The following CAPN9 variants were observed in gnomAD, a reference collection of about 807,000 sequenced individuals.
CAPN9 encodes the protein calpain-9.
CAPN9 carries 81 observed loss-of-function variants against 92.8 expected under a neutral mutation model. The ratio of observed to expected loss-of-function variants is 0.87; its 90% CI spans 0.73 to 1.05. CAPN9 has a LOEUF of 1.05. CAPN9 is among the 50% of genes least tolerant of loss of function. The pLI, the probability that CAPN9 is intolerant of heterozygous loss-of-function variation, is 0.00. For synonymous variants in CAPN9, 304 were observed against 328.0 expected, an observed-to-expected ratio of 0.93 and a Z score of 0.79; for missense variants, 848 against 866.2, an observed-to-expected ratio of 0.98 and a Z score of 0.26.
intron 18 of CAPN9, among the ~76,000 whole-genome samples, chr1:230,796,366 ATAAATAAT>A (rs1668359174): frequency 6.9e-6 from 1 of 144,860 alleles, no homozygotes; most frequent in African/African-American, 2.5e-5. Context: ...AAATAAATAA[ATAAATAAT>A]AAAATTAAAT....
intron 11 of CAPN9, among the ~76,000 whole-genome samples, chr1:230,781,180 T>C (rs1421553347): frequency 6.6e-6 from 1 of 152,160 alleles, no homozygotes; most frequent in Non-Finnish European, 1.5e-5. Flanking sequence ...CAGGACACTT[T>C]CTTAGCTTAT....
rs1667010493 is a variant in CAPN9 at position 230,778,866 on chromosome 1, AG to A, written c.954-105del. On this transcript the variant is annotated intron_variant, in intron 8 of 19. Coordinates refer to ENST00000271971, the MANE Select transcript of CAPN9 (RefSeq NM_006615.3). ...TGCAGTCCCCCCACTCCTTGCGGAC[AG>A]GAACAAGATGATTTAATGAATAAGT... is the stretch of plus-strand genomic sequence containing the variant. 9.6e-6 allele frequency: 10 copies of A among 1,046,802 alleles called. No homozygotes were observed. In the South Asian group the frequency reaches 1.7e-4, roughly 18 times the overall value. 64.8% of individuals were successfully genotyped at this position (1,046,802 alleles called of 1,614,324 possible).
intron 11 of CAPN9, among the ~76,000 whole-genome samples, chr1:230,783,227 A>C (rs993812034): frequency 1.3e-5 from 2 of 152,182 alleles, no homozygotes; most frequent in Non-Finnish European, 2.9e-5. Context: ...ACACTTTATC[A>C]GTTGCCCTTG....
chr1:230,794,513 G>T (rs1668210482), intron 17 of CAPN9, among the ~76,000 whole-genome samples: 1 of 152,060 alleles, frequency 6.6e-6, no homozygotes, highest in African/African-American at 2.4e-5. Flanking sequence ...AAATCCAGAA[G>T]GAAGTTCACT....
intron 14 of CAPN9, among the ~76,000 whole-genome samples, chr1:230,791,122 A>G (rs948224583): frequency 3.3e-5 from 5 of 151,972 alleles, no homozygotes; most frequent in African/African-American, 4.8e-5. Flanking sequence ...TTATTCATTC[A>G]TCTATTGGTG....
intron 2 of CAPN9, among the ~76,000 whole-genome samples, chr1:230,755,685 A>G (rs1176454543): frequency 6.6e-6 from 1 of 152,146 alleles, no homozygotes; most frequent in African/African-American, 2.4e-5. Context: ...GCTCTCCTAC[A>G]CCACCACAGT....
chr1:230,765,739 G>T (rs1665948111), intron 4 of CAPN9, among the ~76,000 whole-genome samples: 1 of 152,138 alleles, frequency 6.6e-6, no homozygotes, highest in African/African-American at 2.4e-5. Flanking sequence ...ATACTAATTT[G>T]AATAAATGAT....
At chr1:230,762,897 T>G in intron 4 of CAPN9, 111 bp downstream of exon 4, 1 of 1,211,296 alleles carries the variant, frequency 8.3e-7, no homozygotes, top group South Asian at 1.6e-5. Context: ...GGTTTGCAGG[T>G]GAGGCTCGGC....
chr1:230,753,089 G>A (rs1664953708), intron 1 of CAPN9, among the ~76,000 whole-genome samples: 1 of 152,162 alleles, frequency 6.6e-6, no homozygotes, highest in Admixed American at 6.5e-5. Context: ...GGTCCGCACA[G>A]GCAAGCCAAG....
chr1:230,771,062 G>A (rs1049433093), intron 6 of CAPN9, among the ~76,000 whole-genome samples: 7 of 152,120 alleles, frequency 4.6e-5, no homozygotes, highest in East Asian at 1.9e-4. Context: ...GATCTTCTAC[G>A]TATTCCACGT....
At chr1:230,748,309 A>AGGT (rs1664558313) in intron 1 of CAPN9, among the ~76,000 whole-genome samples, 1 of 152,112 alleles carries the variant, frequency 6.6e-6, no homozygotes, top group Non-Finnish European at 1.5e-5. Context: ...GGGTCCCAAG[A>AGGT]GGTGCTAGCT....
At chr1:230,769,295 G>T in intron 6 of CAPN9, 32 bp downstream of exon 6, 1 of 1,452,698 alleles carries the variant, frequency 6.9e-7, no homozygotes, top group Non-Finnish European at 9.7e-7. Flanking sequence ...TGCAGGCTAT[G>T]GGGAGACATG....
chr1:230,769,782 C>G (rs968965364), intron 6 of CAPN9, among the ~76,000 whole-genome samples: 8 of 152,072 alleles, frequency 5.3e-5, no homozygotes, highest in Non-Finnish European at 1.0e-4. Flanking sequence ...ACTCCTCCTC[C>G]TCCTTCTCAG....
intron 4 of CAPN9, among the ~76,000 whole-genome samples, chr1:230,764,535 C>T (rs543522475): frequency 5.3e-5 from 8 of 152,274 alleles, no homozygotes; most frequent in South Asian, 2.1e-4. Context: ...CAATTTCAAA[C>T]GTATGAAATA....
intron 4 of CAPN9, among the ~76,000 whole-genome samples, 172 bp downstream of exon 4, chr1:230,762,958 C>T (rs1022606840): frequency 1.3e-5 from 2 of 152,152 alleles, no homozygotes; most frequent in African/African-American, 2.4e-5. Context: ...GTTTTCCTGT[C>T]GTAGCCTAGA....
intron 1 of CAPN9, among the ~76,000 whole-genome samples, chr1:230,754,056 G>A (rs541495240): frequency 1.4e-5 from 2 of 143,416 alleles, no homozygotes; most frequent in South Asian, 4.4e-4. Context: ...CTGGGAGGTG[G>A]TGGCAGCTGC....
At position 230,792,431 on chromosome 1, in the gene CAPN9, C is replaced by T. The variant is rs777474680; in HGVS notation, c.1728C>T (p.Ser576=). ...CCTTAACCCACATGGCACAGACCAG[C>T]GGCAATGGGAAGCTGGAGTTTGATG... The part of the protein sequence containing the change: ...CKNIISLMDT[S]GNGKLEFDEF... Residue 576 remains serine (S), a synonymous_variant, in exon 16 of 20, where the codon AGC becomes AGT. Coordinates refer to ENST00000271971, the MANE Select transcript of CAPN9 (RefSeq NM_006615.3). The T allele has an allele frequency of 9.9e-6, 16 of 1,613,630 alleles. No homozygotes were observed. The highest frequency in any genetic ancestry group is 4.5e-5 in the East Asian group (2 of 44,872).
chr1:230,755,595 T>C (rs1443430698), intron 2 of CAPN9, among the ~76,000 whole-genome samples, 189 bp downstream of exon 2: 1 of 152,204 alleles, frequency 6.6e-6, no homozygotes, highest in East Asian at 1.9e-4. Flanking sequence ...TCCGTTCCTC[T>C]AGAGTCAGAC....
intron 1 of CAPN9, among the ~76,000 whole-genome samples, chr1:230,751,521 G>A (rs1223264217): frequency 7.3e-6 from 1 of 137,548 alleles, no homozygotes; most frequent in African/African-American, 2.8e-5. Context: ...GAAGGAAGGA[G>A]AGAAAGAGAA....
Sources: gnomAD v4.1 joint callset for allele counts (sites outside exome capture counted in the v4.1 genomes callset) on GRCh38, gnomAD v4.1.1 for gene constraint, MANE v1.5 for transcripts, NCBI Gene and HGNC (gene_info 2026-07-23, HGNC 2026-07-21) for gene names.